Variants in LIPA observed in about 807,000 individuals in gnomAD.
LIPA encodes lysosomal acid lipase/cholesteryl ester hydrolase.
In LIPA, 26 loss-of-function variants were observed where a neutral mutation model predicts 40.6. That is an observed-to-expected ratio of 0.64 (90% CI 0.47 to 0.89). The LOEUF is 0.89. LIPA is among the 40% of genes least tolerant of loss of function. LIPA has a pLI of 0.00. For missense variants in LIPA, 455 were observed against 479.6 expected (o/e 0.95, Z 0.48); for synonymous variants, 188 against 168.4 (o/e 1.12, Z -0.90).
chr10:89,357,371 G>C (rs1010555629), intron 2 of LIPA, among the ~76,000 whole-genome samples: 17 of 152,180 alleles, frequency 1.1e-4, no homozygotes, highest in Admixed American at 3.3e-4. Context: ...TGTCTCTCAA[G>C]AAACTATGAG....
chr10:89,283,933 G>C (rs2297471), intron 1 of LIPA: 28,748 of 152,234 alleles, frequency 0.19, 3,821 homozygotes, highest in East Asian at 0.66. Context: ...AAATTATGTT[G>C]TGTGCCTTTG....
intron 1 of LIPA, among the ~76,000 whole-genome samples, chr10:89,259,992 A>G (rs537532717): frequency 6.6e-6 from 1 of 152,312 alleles, no homozygotes; most frequent in Admixed American, 6.5e-5. Context: ...GTATATACAC[A>G]TGTGAAAACT....
At position 89,282,819 on chromosome 10, in the gene LIPA, T is replaced by C. The variant is rs182297678; in HGVS notation, c.-1-35170A>G. ...GCATTTCAGAGTTGAAATCAGAAAC[T>C]ATATAGTTTAGATCCAGAGACTTGC... is the stretch of plus-strand genomic sequence containing the variant. On this transcript the variant is annotated intron_variant, in intron 1 of 5. Coordinates refer to the LIPA transcript ENST00000282673. Among the ~76,000 whole-genome samples, 340 of 152,260 alleles carry C rather than the reference T, an allele frequency of 2.2e-3. 2 individuals carry two copies. The highest frequency in any genetic ancestry group is 7.7e-3 in the African/African-American group (320 of 41,558).
intron 1 of LIPA, among the ~76,000 whole-genome samples, chr10:89,337,598 C>T (rs1295983069): frequency 1.3e-5 from 2 of 152,134 alleles, no homozygotes; most frequent in Non-Finnish European, 2.9e-5. Context: ...CAGGCTTTCG[C>T]CATGTTGCCC....
intron 1 of LIPA, among the ~76,000 whole-genome samples, chr10:89,270,219 G>C (rs1389361114): frequency 2.6e-5 from 4 of 152,216 alleles, no homozygotes; most frequent in Admixed American, 6.5e-5. Context: ...GAAGCAGTTT[G>C]CTTCCACCAG....
chr10:89,255,989 C>A (rs1376977366), upstream of LIPA, among the ~76,000 whole-genome samples: 2 of 152,154 alleles, frequency 1.3e-5, no homozygotes, highest in Admixed American at 1.3e-4. Flanking sequence ...TACCATAGAC[C>A]AGAAGTTGAG....
intron 2 of LIPA, among the ~76,000 whole-genome samples, chr10:89,388,405 C>T (rs145597425): frequency 1.4e-4 from 21 of 152,126 alleles, no homozygotes; most frequent in Non-Finnish European, 2.4e-4. Flanking sequence ...CGCGCCTGGC[C>T]GAAAAAAATT....
intron 3 of LIPA, among the ~76,000 whole-genome samples, chr10:89,242,206 A>G (rs1339042974): frequency 2.6e-5 from 4 of 152,240 alleles, no homozygotes; most frequent in Non-Finnish European, 5.9e-5. Flanking sequence ...AATTCCCTTC[A>G]GGAGCAAAGC....
At chr10:89,414,002 T>A (rs1841504089) in intron 1 of LIPA, among the ~76,000 whole-genome samples, 1 of 152,128 alleles carries the variant, frequency 6.6e-6, no homozygotes, top group South Asian at 2.1e-4. Flanking sequence ...TCTGCCTAGA[T>A]CCCCAATACC....
intron 8 of LIPA, among the ~76,000 whole-genome samples, chr10:89,217,843 G>C (rs764984776): frequency 6.6e-6 from 1 of 152,120 alleles, no homozygotes; most frequent in African/African-American, 2.4e-5. Context: ...GAATGTCTGG[G>C]CATTTCTTTT....
rs574659510 is a variant in LIPA, at chr10:89,224,082, C to T, written c.676-252G>A. On this transcript the variant is annotated intron_variant, in intron 6 of 9. Transcript: ENST00000336233. The stretch of plus-strand genomic sequence containing the variant: ...GGCAGAAAATCAAATAAGTTTTCAG[C>T]GGACTTCTACAGTGGGAAAGGGCCT... 3.3e-5 allele frequency among the ~76,000 whole-genome samples: 5 copies of T among 152,168 alleles called. No homozygotes were observed. The South Asian group carries it at 8.3e-4, about 25-fold the overall frequency.
chr10:89,261,532 AAAATTT>A (rs1843207658), intron 1 of LIPA, among the ~76,000 whole-genome samples: 1 of 152,132 alleles, frequency 6.6e-6, no homozygotes, highest in Non-Finnish European at 1.5e-5. Context: ...AATTAAAATT[AAAATTT>A]AAAAAATCAG....
chr10:89,270,448 C>A (rs1352305128), intron 1 of LIPA, among the ~76,000 whole-genome samples: 2 of 152,206 alleles, frequency 1.3e-5, no homozygotes, highest in Non-Finnish European at 2.9e-5. Context: ...GGGAAATAAA[C>A]CCCTTATAAA....
At chr10:89,216,336 T>C (rs1842625738) in intron 8 of LIPA, among the ~76,000 whole-genome samples, 1 of 151,580 alleles carries the variant, frequency 6.6e-6, no homozygotes, top group South Asian at 2.1e-4. Context: ...ATTTGCATCC[T>C]AAGCTTTTTC....
chr10:89,307,483 T>C, intron 1 of LIPA: 4 of 887,070 alleles, frequency 4.5e-6, no homozygotes, highest in Non-Finnish European at 6.9e-6. Context: ...AAGATTGGAC[T>C]AAGACACTGG....
intron 1 of LIPA, among the ~76,000 whole-genome samples, chr10:89,337,797 C>T (rs11203078): frequency 0.26 from 38,940 of 152,168 alleles, 5,565 homozygotes; most frequent in East Asian, 0.61. Context: ...TCTGCTTACA[C>T]GGTGTAAGGG....
chr10:89,334,478 C>CTTTTTTTTTTTTTTTTTTTTTTTTTTTTT (rs578154457), intron 1 of LIPA, among the ~76,000 whole-genome samples: 6 of 25,336 alleles, frequency 2.4e-4, no homozygotes, highest in Admixed American at 5.6e-4. Flanking sequence ...TTCTTTTATT[C>CTTTTTTTTTTTTTTTTTTTTTTTTTTTTT]TTTTTTTTTT....
chr10:89,232,453 C>T (rs1842853713), intron 3 of LIPA, among the ~76,000 whole-genome samples: 1 of 152,176 alleles, frequency 6.6e-6, no homozygotes, highest in Non-Finnish European at 1.5e-5. Context: ...CAGAGAGAGG[C>T]AAGAGGAAGG....
Position 89,361,395 on chromosome 10 carries a change from A to G in LIPA, c.61+51396T>C, listed in dbSNP as rs1844020917. On this transcript the variant is annotated intron_variant, in intron 2 of 8. Coordinates refer to the LIPA transcript ENST00000371837. ...TAAAACTAGAAATGTTTATTTCACT[A>G]TTTCTGCCTTGGGGAAAGAAGCAGT... is the stretch of plus-strand genomic sequence containing the variant. Among the ~76,000 whole-genome samples the G allele has an allele frequency of 2.0e-5, 3 of 152,168 alleles. No individual in the cohort carries two copies. The South Asian group carries it at 6.2e-4, about 31-fold the overall frequency.
Sources: allele counts gnomAD v4.1 joint callset (sites outside exome capture counted in the v4.1 genomes callset), GRCh38; gene constraint gnomAD v4.1.1; transcripts MANE v1.5; gene names NCBI Gene and HGNC (gene_info 2026-07-23, HGNC 2026-07-21).